Variants in DYSF observed in about 807,000 individuals in gnomAD.
DYSF encodes the protein dystrophy-associated fer-1-like 1.
In DYSF, 212 loss-of-function variants were observed where a neutral mutation model predicts 274.9. That is an observed-to-expected ratio of 0.77 (90% confidence interval 0.69 to 0.86). The LOEUF is 0.86. Ranked by LOEUF, DYSF falls within the 40% of genes least tolerant of loss-of-function variation. The pLI is 0.00. For missense variants in DYSF, 2,666 were observed against 2,783.2 expected (o/e 0.96, Z 0.95); for synonymous variants, 1,091 against 1,078.7 (o/e 1.01, Z -0.22).
intron 32 of DYSF, among the ~76,000 whole-genome samples, chr2:71,597,475 T>C (rs1196879551): frequency 6.6e-6 from 1 of 152,198 alleles, no homozygotes; most frequent in African/African-American, 2.4e-5. Flanking sequence ...GAAGGCAGCA[T>C]GAGCATCACT....
chr2:71,479,871 G>A (rs957483340), intron 1 of DYSF, among the ~76,000 whole-genome samples: 7 of 152,200 alleles, frequency 4.6e-5, no homozygotes, highest in Admixed American at 3.9e-4. Flanking sequence ...CTCCTTCAAG[G>A]CCTTGGAGGG....
intron 6 of DYSF, 72 bp downstream of exon 6, chr2:71,513,404 C>G: frequency 6.7e-7 from 1 of 1,487,910 alleles, no homozygotes. Context: ...CCATGGTCAG[C>G]TTGCTGGAGC....
intron 41 of DYSF, among the ~76,000 whole-genome samples, chr2:71,621,566 A>G (rs6546708): frequency 0.71 from 108,104 of 151,338 alleles, 40,748 homozygotes; most frequent in East Asian, 0.87. Context: ...CTTTTTTATA[A>G]TTTGGATTTT....
intron 43 of DYSF, among the ~76,000 whole-genome samples, chr2:71,658,154 A>T (rs1447172582): frequency 6.6e-6 from 1 of 152,142 alleles, no homozygotes; most frequent in African/African-American, 2.4e-5. Context: ...CTCCAGTTCA[A>T]AGCTCCACAG....
intron 12 of DYSF, among the ~76,000 whole-genome samples, chr2:71,523,308 T>C (rs1214510631): frequency 6.6e-6 from 1 of 152,218 alleles, no homozygotes. Flanking sequence ...ACATTTATGC[T>C]TAGGTCCCAT....
chr2:71,679,263 GAGGGC>G, intron 53 of DYSF, 28 bp downstream of exon 53: 1 of 1,608,608 alleles, frequency 6.2e-7, no homozygotes, highest in Non-Finnish European at 8.5e-7. Flanking sequence ...AGCCCCAGTG[GAGGGC>G]ATGGGGGAAG....
chr2:71,628,436 G>A (rs559493398), intron 41 of DYSF, among the ~76,000 whole-genome samples: 4 of 142,616 alleles, frequency 2.8e-5, no homozygotes, highest in South Asian at 2.2e-4. Flanking sequence ...TTTAATATCC[G>A]TCATCTTTTT....
At chr2:71,543,020 G>A (rs915274745) in intron 17 of DYSF, among the ~76,000 whole-genome samples, 24 of 150,958 alleles carry the variant, frequency 1.6e-4, no homozygotes, top group Non-Finnish European at 2.7e-4. Flanking sequence ...CCTCCCTCCC[G>A]GATGGGGTGG....
chr2:71,617,219 G>A (rs1302911899), intron 40 of DYSF, among the ~76,000 whole-genome samples: 1 of 152,216 alleles, frequency 6.6e-6, no homozygotes, highest in Non-Finnish European at 1.5e-5. Flanking sequence ...ATATGTGAGT[G>A]TTGAAGAATT....
At chr2:71,529,289 G>A (rs964623568) in intron 14 of DYSF, among the ~76,000 whole-genome samples, 4 of 151,966 alleles carry the variant, frequency 2.6e-5, no homozygotes, top group East Asian at 1.9e-4. Flanking sequence ...TCCCTACCTC[G>A]TGCCCCCACA....
intron 1 of DYSF, among the ~76,000 whole-genome samples, chr2:71,468,935 T>A (rs2081753035): frequency 6.6e-6 from 1 of 152,186 alleles, no homozygotes; most frequent in Admixed American, 6.5e-5. Flanking sequence ...CCTCTAGCCA[T>A]CCTCCAGGTG....
intron 40 of DYSF, among the ~76,000 whole-genome samples, chr2:71,618,591 GTGTGGT>G: frequency 1.7e-5 from 1 of 57,432 alleles, no homozygotes; most frequent in Admixed American, 2.0e-4. Context: ...AGTTGTGTGT[GTGTGGT>G]AGAGGTGGTG....
intron 12 of DYSF, among the ~76,000 whole-genome samples, chr2:71,523,169 C>G (rs2087491325): frequency 1.3e-5 from 2 of 152,218 alleles, no homozygotes; most frequent in Admixed American, 6.5e-5. Context: ...ATCATGCAGC[C>G]TCCGTCACAT....
Position 71,570,233 on chromosome 2 carries a change from G to C in DYSF, c.2984G>C (p.Gly995Ala). 1 of 1,614,054 alleles carries C rather than the reference G, an allele frequency of 6.2e-7. No homozygotes were observed. The highest frequency in any genetic ancestry group is 8.5e-7 in the Non-Finnish European group (1 of 1,179,944). The change falls in exon 28 of 56, where the codon GGG (glycine) becomes GCG (alanine). Residue 995 changes from glycine to alanine, a missense_variant. Transcript: ENST00000410020. ...CCTGTTCGGTTTTGTCCTTAGAACG[G>C]GGAGAAGGTGCTTCCCAAGGATGAC... ...YMSDNYTDVN[G>A]EKVLPKDDIE...
chr2:71,516,384 G>A lies in DYSF; in HGVS notation c.951+142G>A, dbSNP rs1178120878. The A allele has an allele frequency of 1.3e-5, 10 of 795,272 alleles. No homozygotes were observed. In the African/African-American group the frequency reaches 1.5e-4, roughly 12 times the overall value. The allele number at this position is 795,272 out of a possible 1,614,324, so 49.3% of individuals were successfully genotyped here. On this transcript the variant is annotated intron_variant, in intron 9 of 55. Transcript: ENST00000410020. Reference sequence around the variant, plus strand: ...AATGCGTGTGTGTGCCTGTCGGTGTGTATGTGAGTATGTGCGTGAGAGGGA... The same window carrying A: ...AATGCGTGTGTGTGCCTGTCGGTGTATATGTGAGTATGTGCGTGAGAGGGA...
In DYSF at chr2:71,546,962, G is replaced by C. The variant is rs975062631; in HGVS notation, c.1577-4079G>C. The stretch of plus-strand genomic sequence containing the variant: ...GCTCACTGGGCTGGGAGGTCCTGCT[G>C]TCTATCTCCTTCAGCTTCCCCCAGG... On this transcript the variant is annotated intron_variant, in intron 17 of 55. Transcript: ENST00000410020. Among the ~76,000 whole-genome samples the C allele has an allele frequency of 2.0e-5, 3 of 152,202 alleles. No individual in the cohort carries two copies. The East Asian group carries it at 5.8e-4, about 29-fold the overall frequency.
chr2:71,463,133 G>T (rs768822809), upstream of DYSF, among the ~76,000 whole-genome samples: 1 of 152,216 alleles, frequency 6.6e-6, no homozygotes, highest in Non-Finnish European at 1.5e-5. Context: ...AGGGGTGCTT[G>T]CAGTTCCAGG....
At chr2:71,634,506 T>A (rs2094364956) in intron 41 of DYSF, among the ~76,000 whole-genome samples, 1 of 152,134 alleles carries the variant, frequency 6.6e-6, no homozygotes, top group South Asian at 2.1e-4. Context: ...AAGGGAGAAG[T>A]GGGCTTGAAA....
At chr2:71,509,276 C>A (rs1179172539) in intron 4 of DYSF, among the ~76,000 whole-genome samples, 1 of 152,208 alleles carries the variant, frequency 6.6e-6, no homozygotes, top group Non-Finnish European at 1.5e-5. Context: ...GATTCTCCCA[C>A]CTCAGCCTCC....
Sources: gnomAD v4.1 joint callset for allele counts (sites outside exome capture counted in the v4.1 genomes callset) on GRCh38, gnomAD v4.1.1 for gene constraint, MANE v1.5 for transcripts, NCBI Gene and HGNC (gene_info 2026-07-23, HGNC 2026-07-21) for gene names.